Variants in NTRK3 observed in about 807,000 individuals in gnomAD.
NTRK3 encodes neurotrophic receptor tyrosine kinase 3, also known as NT-3 growth factor receptor.
In NTRK3, 24 loss-of-function variants were observed where a neutral mutation model predicts 91.7. The ratio of observed to expected loss-of-function variants is 0.26; its 90% CI spans 0.19 to 0.37. The LOEUF is 0.37. Ranked by LOEUF, NTRK3 falls within the 10% of genes least tolerant of loss-of-function variation. The pLI, the probability that NTRK3 is intolerant of heterozygous loss-of-function variation, is 1.00. For missense variants in NTRK3, 880 were observed against 1,068.9 expected (o/e 0.82, Z 2.46); for synonymous variants, 483 against 404.0 (o/e 1.20, Z -2.34).
intron 3 of NTRK3, among the ~76,000 whole-genome samples, chr15:88,188,600 A>C (rs2047139448): frequency 1.3e-5 from 2 of 152,230 alleles, no homozygotes; most frequent in African/African-American, 4.8e-5. Flanking sequence ...CAATTTTGAA[A>C]ATGACTGCTT....
intron 17 of NTRK3, among the ~76,000 whole-genome samples, chr15:87,888,920 T>C (rs1019553555): frequency 6.6e-6 from 1 of 152,194 alleles, no homozygotes; most frequent in East Asian, 1.9e-4. Flanking sequence ...TCTGCACGTG[T>C]GCAGGCTCTA....
At chr15:88,206,478 G>A (rs538606707) in intron 3 of NTRK3, among the ~76,000 whole-genome samples, 94 of 146,880 alleles carry the variant, frequency 6.4e-4, no homozygotes, top group African/African-American at 2.1e-3. Context: ...CTAACACGGT[G>A]AAACCCCGTC....
chr15:88,070,305 G>A lies in NTRK3; in HGVS notation c.1397-37260C>T, dbSNP rs571527282. Among the ~76,000 whole-genome samples the A allele has an allele frequency of 1.4e-3, 209 of 152,102 alleles. 2 individuals carry two copies. In the South Asian group the frequency reaches 0.023, roughly 17 times the overall value. ...GCCAGGTCTACCAGAGACAGCAAGA[G>A]CCCTCCTCTTTCCCTTCAAGCTCCT... On this transcript the variant is annotated intron_variant, in intron 13 of 18. Transcript: ENST00000394480.
At chr15:88,006,045 T>A (rs2076462114) in intron 14 of NTRK3, among the ~76,000 whole-genome samples, 2 of 152,210 alleles carry the variant, frequency 1.3e-5, no homozygotes, top group African/African-American at 4.8e-5. Flanking sequence ...CAAGAGCTTC[T>A]CACAGGACCA....
intron 16 of NTRK3, among the ~76,000 whole-genome samples, chr15:87,931,957 C>T (rs1462126637): frequency 5.3e-5 from 8 of 152,174 alleles, no homozygotes; most frequent in Non-Finnish European, 1.2e-4. Flanking sequence ...AGAGGCCACA[C>T]CCTAAGTATA....
At chr15:87,902,728 A>G (rs2066525960) in intron 17 of NTRK3, among the ~76,000 whole-genome samples, 2 of 152,180 alleles carry the variant, frequency 1.3e-5, no homozygotes, top group East Asian at 3.9e-4. Context: ...AGCTGAAAAA[A>G]TCCTGAGAAA....
At chr15:87,964,968 A>G (rs571779551) in intron 14 of NTRK3, among the ~76,000 whole-genome samples, 60 of 152,328 alleles carry the variant, frequency 3.9e-4, no homozygotes, top group African/African-American at 1.4e-3. Context: ...GTGTGTGTGT[A>G]TATGTGTGTA....
At chr15:87,889,654 A>C (rs2065749609) in intron 17 of NTRK3, among the ~76,000 whole-genome samples, 1 of 152,062 alleles carries the variant, frequency 6.6e-6, no homozygotes, top group Non-Finnish European at 1.5e-5. Flanking sequence ...TTAAAGTTGC[A>C]ACAGGGGCCA....
At chr15:88,041,824 TAAA>T (rs35696268) in intron 13 of NTRK3, among the ~76,000 whole-genome samples, 13 of 90,238 alleles carry the variant, frequency 1.4e-4, no homozygotes, top group African/African-American at 5.0e-4. Flanking sequence ...AAGTCCCTCA[TAAA>T]AAAAAAAAAA....
intron 6 of NTRK3, among the ~76,000 whole-genome samples, chr15:88,143,376 G>A (rs780601654): frequency 6.6e-6 from 1 of 152,212 alleles, no homozygotes; most frequent in Admixed American, 6.5e-5. Flanking sequence ...GGCAAGGACG[G>A]GTTCTCCCGC....
chr15:87,974,373 A>C (rs1880811851), intron 14 of NTRK3, among the ~76,000 whole-genome samples: 1 of 152,168 alleles, frequency 6.6e-6, no homozygotes, highest in African/African-American at 2.4e-5. Context: ...GAGGTCTTTG[A>C]GGTGCGTTGA....
At chr15:87,953,905 C>G (rs1014079859) in intron 14 of NTRK3, among the ~76,000 whole-genome samples, 2 of 152,114 alleles carry the variant, frequency 1.3e-5, no homozygotes, top group Non-Finnish European at 2.9e-5. Flanking sequence ...TCTTTCTAGC[C>G]CCCTTGCCCA....
chr15:88,031,985 G>A (rs557699657), intron 14 of NTRK3, among the ~76,000 whole-genome samples: 11 of 152,240 alleles, frequency 7.2e-5, no homozygotes, highest in African/African-American at 2.6e-4. Flanking sequence ...CCTCAACCTA[G>A]CCGATCACTT....
At chr15:87,929,337 T>C (rs55777156) in exon 17 of NTRK3, 13 of 1,614,150 alleles carry the variant, frequency 8.1e-6, no homozygotes, top group Non-Finnish European at 1.1e-5. Flanking sequence ...CCCGAGGCGA[T>C]CTGACTGGCA....
chr15:88,074,808 C>T (rs148387445), intron 13 of NTRK3, among the ~76,000 whole-genome samples: 1,638 of 152,270 alleles, frequency 0.011, 11 homozygotes, highest in Non-Finnish European at 0.016. Context: ...AAAGCAACGC[C>T]GGTCCTTAAA....
intron 13 of NTRK3, among the ~76,000 whole-genome samples, chr15:88,077,385 C>T (rs942245377): frequency 1.3e-5 from 2 of 152,124 alleles, no homozygotes; most frequent in East Asian, 1.9e-4. Context: ...AAAACCCTTA[C>T]GTAGCCAACA....
rs1385188614 is a variant in NTRK3, at chr15:87,928,668, C to A, written c.2133+523G>T. 3 of 193,310 alleles carry A rather than the reference C, an allele frequency of 1.6e-5. No individual in the cohort carries two copies. The Admixed American group carries it at 1.6e-4, about 10-fold the overall frequency. The allele number at this position is 193,310 out of a possible 1,614,324, so 12.0% of individuals were successfully genotyped here. A position where few individuals can be genotyped will look rare whatever the true frequency, so the allele number is the denominator to read the frequency against. On this transcript the variant is annotated intron_variant, in intron 17 of 18. Transcript: ENST00000394480. ...TGTTCCAGCCCATTTGGATAATGCT[C>A]AGCAATATATTAGCCATCTTTGTTA...
At chr15:88,158,271 C>T (rs143690023) in intron 5 of NTRK3, among the ~76,000 whole-genome samples, 212 of 152,328 alleles carry the variant, frequency 1.4e-3, no homozygotes, top group African/African-American at 4.9e-3. Context: ...AACGCGCCCA[C>T]GCCATTAAAA....
chr15:88,195,232 T>A (rs890038256), intron 3 of NTRK3, among the ~76,000 whole-genome samples: 1 of 152,186 alleles, frequency 6.6e-6, no homozygotes, highest in African/African-American at 2.4e-5. Flanking sequence ...ATGCTCTAGA[T>A]AACTCATTTA....
Sources: allele counts gnomAD v4.1 joint callset (sites outside exome capture counted in the v4.1 genomes callset), GRCh38; gene constraint gnomAD v4.1.1; transcripts MANE v1.5; gene names NCBI Gene and HGNC (gene_info 2026-07-23, HGNC 2026-07-21).